KCND2: variants seen among roughly 807,000 people sequenced by gnomAD.
KCND2 encodes potassium voltage-gated channel subfamily D member 2.
KCND2 carries 16 observed loss-of-function variants against 54.4 expected under a neutral mutation model. The ratio of observed to expected loss-of-function variants is 0.29; its 90% CI spans 0.20 to 0.45. The LOEUF (loss-of-function observed/expected upper bound fraction) is 0.45, where lower values mean the gene tolerates loss of function less well. Among genes scored for constraint, KCND2 ranks in the 20% least tolerant of loss-of-function variants. The pLI is 1.00. For synonymous variants in KCND2, 317 were observed against 310.7 expected (o/e 1.02, Z -0.21); for missense variants, 486 against 824.2 (o/e 0.59, Z 5.02).
chr7:120,313,206 G>T (rs1799765374), intron 1 of KCND2, among the ~76,000 whole-genome samples: 1 of 152,106 alleles, frequency 6.6e-6, no homozygotes, highest in Admixed American at 6.5e-5. Context: ...AACATATTTA[G>T]ATAAGAGATG....
intron 1 of KCND2, among the ~76,000 whole-genome samples, chr7:120,293,041 T>A (rs531609354): frequency 5.7e-4 from 86 of 151,890 alleles, no homozygotes; most frequent in Non-Finnish European, 9.1e-4. Flanking sequence ...GTCTTTTACT[T>A]TTATTTGAAA....
chr7:120,571,764 A>T (rs1401815207), intron 1 of KCND2, among the ~76,000 whole-genome samples: 1 of 152,206 alleles, frequency 6.6e-6, no homozygotes, highest in African/African-American at 2.4e-5. Context: ...ATAAACCAGG[A>T]TTTGCCAACA....
At chr7:120,359,956 A>G (rs62470547) in intron 1 of KCND2, among the ~76,000 whole-genome samples, 15,483 of 152,136 alleles carry the variant, frequency 0.1, 818 homozygotes, top group Admixed American at 0.13. Context: ...AAGTTTCCTG[A>G]GGACTGCTCA....
At chr7:120,437,603 A>C (rs2116184257) in intron 1 of KCND2, among the ~76,000 whole-genome samples, 1 of 152,288 alleles carries the variant, frequency 6.6e-6, no homozygotes, top group Middle Eastern at 3.4e-3. Context: ...ATAATGATAA[A>C]CCAACCCCCT....
At chr7:120,311,120 A>G (rs562483034) in intron 1 of KCND2, among the ~76,000 whole-genome samples, 7 of 152,182 alleles carry the variant, frequency 4.6e-5, no homozygotes, top group South Asian at 2.1e-4. Context: ...TCTCATTTTC[A>G]TGACATATAC....
chr7:120,553,384 A>G (rs1215931009), intron 1 of KCND2, among the ~76,000 whole-genome samples: 1 of 152,234 alleles, frequency 6.6e-6, no homozygotes, highest in African/African-American at 2.4e-5. Context: ...TATCTAAGAT[A>G]GATAAAGAGA....
chr7:120,525,370 T>TATAA (rs1257790189), intron 1 of KCND2, among the ~76,000 whole-genome samples: 1 of 152,206 alleles, frequency 6.6e-6, no homozygotes, highest in Admixed American at 6.5e-5. Context: ...CCTCCCTAGT[T>TATAA]ATAAATAGTT....
chr7:120,351,404 A>ACTCTCTCTCT (rs1435155111), intron 1 of KCND2, among the ~76,000 whole-genome samples: 1 of 134,910 alleles, frequency 7.4e-6, no homozygotes, highest in African/African-American at 3.1e-5. Context: ...ACACACACAC[A>ACTCTCTCTCT]CACACACACT....
intron 1 of KCND2, among the ~76,000 whole-genome samples, chr7:120,303,895 G>A (rs1799616997): frequency 6.6e-6 from 1 of 152,152 alleles, no homozygotes; most frequent in Non-Finnish European, 1.5e-5. Context: ...TGTGGGGAGT[G>A]TTAAATATCA....
At chr7:120,639,808 G>A (rs890515698) in intron 1 of KCND2, among the ~76,000 whole-genome samples, 1 of 152,124 alleles carries the variant, frequency 6.6e-6, no homozygotes, top group African/African-American at 2.4e-5. Context: ...GCCTGGAAAT[G>A]AACAAAAGCT....
chr7:120,540,994 A>C (rs1266303428), intron 1 of KCND2, among the ~76,000 whole-genome samples: 1 of 152,228 alleles, frequency 6.6e-6, no homozygotes, highest in African/African-American at 2.4e-5. Context: ...ATTATTAAAA[A>C]TAATTCAGGA....
At chr7:120,639,464 C>T (rs1793345008) in intron 1 of KCND2, among the ~76,000 whole-genome samples, 2 of 152,092 alleles carry the variant, frequency 1.3e-5, no homozygotes, top group African/African-American at 4.8e-5. Flanking sequence ...AAATATGGTA[C>T]TCCCAGTTCT....
chr7:120,511,350 T>C (rs1803112622), intron 1 of KCND2, among the ~76,000 whole-genome samples: 1 of 152,078 alleles, frequency 6.6e-6, no homozygotes, highest in Non-Finnish European at 1.5e-5. Context: ...TGCTCATTTG[T>C]TTTTTATCTG....
Position 120,274,739 on chromosome 7 carries a change from A to G in KCND2, c.107A>G (p.Lys36Arg), listed in dbSNP as rs1423229864. The G allele has an allele frequency of 1.9e-6, 3 of 1,613,804 alleles. No homozygotes were observed. In the African/African-American group the frequency reaches 4.0e-5, roughly 22 times the overall value. The change falls in exon 1 of 6, where the codon AAA becomes AGA. Residue 36 changes from lysine (K) to arginine (R), a missense_variant. Around this residue, in one of 7 missense-constraint regions of KCND2, gnomAD observed 231 missense variants for 386.0 expected, o/e 0.60. Coordinates refer to ENST00000331113, the MANE Select transcript of KCND2 (RefSeq NM_012281.3). ...PMPAPPRQER[K>R]RTQDALIVLN... ...CCGGCTCCCCCGAGGCAGGAGAGGA[A>G]AAGGACCCAAGATGCTCTCATTGTG...
chr7:120,359,738 T>G (rs1016787193), intron 1 of KCND2, among the ~76,000 whole-genome samples: 7 of 152,194 alleles, frequency 4.6e-5, no homozygotes, highest in Middle Eastern at 3.4e-3. Context: ...TCATTTTGAA[T>G]TGTAATCCCC....
intron 1 of KCND2, among the ~76,000 whole-genome samples, chr7:120,306,413 T>C (rs1799652041): frequency 6.6e-6 from 1 of 152,064 alleles, no homozygotes; most frequent in African/African-American, 2.4e-5. Context: ...AATTCAATAA[T>C]GAATTAAATG....
At chr7:120,504,954 T>G (rs150928027) in intron 1 of KCND2, among the ~76,000 whole-genome samples, 1 of 151,654 alleles carries the variant, frequency 6.6e-6, no homozygotes, top group Non-Finnish European at 1.5e-5. Flanking sequence ...TTAGAAATAT[T>G]GTTGCACTTA....
intron 1 of KCND2, among the ~76,000 whole-genome samples, chr7:120,308,862 C>T (rs1799686593): frequency 6.6e-6 from 1 of 152,116 alleles, no homozygotes; most frequent in African/African-American, 2.4e-5. Context: ...AACAAATTAA[C>T]TTGAACACAT....
In KCND2 at chr7:120,492,524, C is replaced by G. The variant is rs998394056; in HGVS notation, c.1115+216777C>G. Among the ~76,000 whole-genome samples, 16 of 151,936 alleles carry G rather than the reference C, an allele frequency of 1.1e-4. No individual in the cohort carries two copies. In the Admixed American group the frequency reaches 1.1e-3, roughly 10 times the overall value. On this transcript the variant is annotated intron_variant, in intron 1 of 5. Coordinates refer to ENST00000331113, the MANE Select transcript of KCND2 (RefSeq NM_012281.3). ...CTCACAGTTCTGGAGGTTAGGAAGC[C>G]CAAGATCAAGACACCAGTATATTCA...
Sources: allele counts gnomAD v4.1 joint callset (sites outside exome capture counted in the v4.1 genomes callset), GRCh38; gene constraint gnomAD v4.1.1; regional missense constraint gnomAD v4.1.1; transcripts MANE v1.5; gene names NCBI Gene and HGNC (gene_info 2026-07-23, HGNC 2026-07-21).